Variants in FAM107B observed in about 807,000 individuals in gnomAD.
FAM107B encodes the protein protein FAM107B.
FAM107B carries 21 observed loss-of-function variants against 31.5 expected under a neutral mutation model. The observed-to-expected ratio is 0.67, with a 90% CI of 0.47 to 0.96. The LOEUF is 0.96. Among genes scored for constraint, FAM107B ranks in the 40% least tolerant of loss-of-function variants. FAM107B has a pLI of 0.00. For missense variants in FAM107B, 452 were observed against 377.1 expected (o/e 1.20, Z -1.64); for synonymous variants, 157 against 141.5 (o/e 1.11, Z -0.78).
chr10:14,578,212 C>T (rs997167057), intron 2 of FAM107B, among the ~76,000 whole-genome samples: 1 of 152,020 alleles, frequency 6.6e-6, no homozygotes, highest in African/African-American at 2.4e-5. Flanking sequence ...TCCCTAATGA[C>T]AGGAAGTTCC....
At chr10:14,731,011 A>T (rs566633777) in intron 1 of FAM107B, among the ~76,000 whole-genome samples, 9 of 152,156 alleles carry the variant, frequency 5.9e-5, no homozygotes, top group South Asian at 2.1e-4. Context: ...GGGTGCTGTC[A>T]CCATGACTGG....
chr10:14,754,467 T>C (rs750287088), intron 1 of FAM107B, among the ~76,000 whole-genome samples: 3 of 152,010 alleles, frequency 2.0e-5, no homozygotes, highest in Non-Finnish European at 4.4e-5. Context: ...AGTCCATGAG[T>C]TTTTCTATGG....
At chr10:14,767,043 TATATATATATATAGAGAGAGAGAG>T (rs1833183363) in intron 1 of FAM107B, among the ~76,000 whole-genome samples, 2 of 37,954 alleles carry the variant, frequency 5.3e-5, no homozygotes, top group African/African-American at 1.5e-4. Flanking sequence ...TATATATATA[TATATATATATATAGAGAGAGAGAG>T]AGAGAGAGAG....
At chr10:14,586,924 T>C (rs796560881) in intron 2 of FAM107B, among the ~76,000 whole-genome samples, 4 of 152,310 alleles carry the variant, frequency 2.6e-5, no homozygotes, top group African/African-American at 9.6e-5. Context: ...AAGAGGATGA[T>C]ATAGGTGAAA....
In FAM107B at chr10:14,774,632, C is replaced by T; in HGVS notation, c.32G>A (p.Arg11Lys). Residue 11 changes from arginine to lysine, a missense_variant, in exon 1 of 5, where the codon AGA becomes AAA. Physicochemically the swap from Arg to Lys is conservative, Grantham distance 26. Transcript: ENST00000181796. Reference protein sequence around the residue: MSTWKARLTKRLKSPSRSMHP... With the variant: MSTWKARLTKKLKSPSRSMHP... ...CATGCTTCTAGAGGGAGACTTCAGT[C>T]TTTTGGTGAGTCTTGCTTTCCACGT... 6.2e-7 allele frequency: 1 copy of T among 1,614,028 alleles called. No homozygotes were observed. The highest frequency in any genetic ancestry group is 1.1e-5 in the South Asian group (1 of 91,064).
chr10:14,695,881 G>C (rs1434317314), intron 1 of FAM107B, among the ~76,000 whole-genome samples: 1 of 152,126 alleles, frequency 6.6e-6, no homozygotes, highest in Non-Finnish European at 1.5e-5. Flanking sequence ...GTTTGTGTGT[G>C]GAATCTTTGG....
intron 2 of FAM107B, among the ~76,000 whole-genome samples, chr10:14,628,269 A>G (rs1056044737): frequency 6.6e-6 from 1 of 151,060 alleles, no homozygotes; most frequent in Non-Finnish European, 1.5e-5. Flanking sequence ...GGCGCCCACC[A>G]TCACGCCCAG....
At chr10:14,631,950 C>T (rs887538913) in intron 2 of FAM107B, among the ~76,000 whole-genome samples, 1 of 151,694 alleles carries the variant, frequency 6.6e-6, no homozygotes, top group African/African-American at 2.4e-5. Context: ...TTGTAGCCCA[C>T]GAAAAAAAGT....
At chr10:14,681,409 G>A (rs1420583952) in intron 1 of FAM107B, among the ~76,000 whole-genome samples, 1 of 152,104 alleles carries the variant, frequency 6.6e-6, no homozygotes, top group East Asian at 1.9e-4. Flanking sequence ...ATTCCATAGG[G>A]TCCTTCTTCA....
chr10:14,700,026 G>A (rs781120205), intron 1 of FAM107B, among the ~76,000 whole-genome samples: 1 of 152,002 alleles, frequency 6.6e-6, no homozygotes, highest in Admixed American at 6.6e-5. Context: ...TCCACCTCCC[G>A]GGTGCAAGCG....
intron 1 of FAM107B, among the ~76,000 whole-genome samples, chr10:14,669,087 G>A (rs1040332990): frequency 1.3e-5 from 2 of 152,140 alleles, no homozygotes; most frequent in African/African-American, 4.8e-5. Context: ...AAAGGTCCAG[G>A]CCAGTTGTGG....
At chr10:14,666,594 T>C (rs1854409591) in intron 2 of FAM107B, among the ~76,000 whole-genome samples, 1 of 151,980 alleles carries the variant, frequency 6.6e-6, no homozygotes. Context: ...TGTAATGGGA[T>C]GAAGAGTGAT....
At chr10:14,747,818 C>G (rs1431658408) in intron 1 of FAM107B, among the ~76,000 whole-genome samples, 1 of 152,212 alleles carries the variant, frequency 6.6e-6, no homozygotes, top group Admixed American at 6.5e-5. Context: ...ACTCTGGCTG[C>G]CCCTTGGTGG....
chr10:14,754,634 G>A (rs568197797), intron 1 of FAM107B, among the ~76,000 whole-genome samples: 6 of 152,320 alleles, frequency 3.9e-5, no homozygotes, highest in Middle Eastern at 3.4e-3. Flanking sequence ...CAGAGGCCAC[G>A]TGGAAGGAGC....
chr10:14,689,135 T>A (rs1375159663), intron 1 of FAM107B, among the ~76,000 whole-genome samples: 1 of 152,024 alleles, frequency 6.6e-6, no homozygotes, highest in Non-Finnish European at 1.5e-5. Context: ...GTGCGGTGGC[T>A]CACACCTGTA....
chr10:14,559,738 ATTT>A (rs56026288), intron 2 of FAM107B, among the ~76,000 whole-genome samples: 204 of 142,890 alleles, frequency 1.4e-3, no homozygotes, highest in Middle Eastern at 7.0e-3. Flanking sequence ...CGCCTGGCTA[ATTT>A]TTTTTTTTTT....
intron 2 of FAM107B, among the ~76,000 whole-genome samples, chr10:14,552,038 T>C (rs188461854): frequency 6.6e-6 from 1 of 152,348 alleles, no homozygotes; most frequent in East Asian, 1.9e-4. Context: ...GTGAACTATT[T>C]TATTTAGTGT....
intron 1 of FAM107B, among the ~76,000 whole-genome samples, chr10:14,754,883 C>T (rs1832898572): frequency 6.6e-6 from 1 of 152,148 alleles, no homozygotes; most frequent in South Asian, 2.1e-4. Flanking sequence ...AAACATCTTT[C>T]CTTTTAAAAT....
intron 2 of FAM107B, among the ~76,000 whole-genome samples, chr10:14,664,930 C>G (rs1172210029): frequency 6.6e-6 from 1 of 152,152 alleles, no homozygotes; most frequent in Non-Finnish European, 1.5e-5. Context: ...AACACAAGTA[C>G]ACCCAAAGCA....
Sources: allele counts gnomAD v4.1 joint callset (sites outside exome capture counted in the v4.1 genomes callset), GRCh38; gene constraint gnomAD v4.1.1; transcripts MANE v1.5; gene names NCBI Gene and HGNC (gene_info 2026-07-23, HGNC 2026-07-21).